Variants in KLHL20 observed in about 807,000 individuals in gnomAD.
KLHL20 encodes the protein kelch like family member 20.
KLHL20 carries 29 observed loss-of-function variants against 69.5 expected under a neutral mutation model. The observed-to-expected ratio is 0.42, with a 90% CI of 0.31 to 0.57. The LOEUF is 0.57. Ranked by LOEUF, KLHL20 falls within the 20% of genes least tolerant of loss-of-function variation. The probability of loss-of-function intolerance (pLI) is 0.18; values close to 1 mark genes in which losing one functional copy is unlikely to be tolerated. For synonymous variants in KLHL20, 253 were observed against 265.2 expected (o/e 0.95, Z 0.45); for missense variants, 419 against 776.0 (o/e 0.54, Z 5.47).
intron 3 of KLHL20, among the ~76,000 whole-genome samples, chr1:173,736,112 A>G (rs551082503): frequency 9.9e-5 from 15 of 151,702 alleles, no homozygotes; most frequent in African/African-American, 2.9e-4. Flanking sequence ...ATGTCCAGCT[A>G]ATTTTTGTAT....
At chr1:173,729,362 A>G (rs1672139997) in intron 2 of KLHL20, among the ~76,000 whole-genome samples, 1 of 152,246 alleles carries the variant, frequency 6.6e-6, no homozygotes, top group Non-Finnish European at 1.5e-5. Flanking sequence ...AATCCTCCCT[A>G]ACTCATTTCA....
At chr1:173,776,904 G>A (rs1648509393) in intron 10 of KLHL20, among the ~76,000 whole-genome samples, 1 of 152,022 alleles carries the variant, frequency 6.6e-6, no homozygotes, top group Non-Finnish European at 1.5e-5. Context: ...GCTATTCTGG[G>A]TCTTTGTGGT....
At chr1:173,729,868 A>G (rs4606360) in intron 2 of KLHL20, among the ~76,000 whole-genome samples, 74,209 of 152,006 alleles carry the variant, frequency 0.49, 20,592 homozygotes, top group African/African-American at 0.76. Context: ...GTTCTGGCCA[A>G]GACAATCAGG....
chr1:173,733,638 T>C (rs948919854), intron 2 of KLHL20, 75 bp from the exon 3 acceptor site: 5 of 1,234,762 alleles, frequency 4.0e-6, no homozygotes, highest in African/African-American at 3.0e-5. Flanking sequence ...ATCGCTTGAA[T>C]TACAAACATT....
At chr1:173,760,001 C>A (rs1344918098) in intron 7 of KLHL20, among the ~76,000 whole-genome samples, 1 of 152,034 alleles carries the variant, frequency 6.6e-6, no homozygotes, top group Non-Finnish European at 1.5e-5. Flanking sequence ...GAGAAACACT[C>A]AAGAAAATAG....
intron 5 of KLHL20, 30 bp from the exon 6 acceptor site, chr1:173,755,893 T>C (rs772085378): frequency 2.1e-6 from 3 of 1,423,874 alleles, no homozygotes; most frequent in Non-Finnish European, 2.0e-6. Flanking sequence ...AATTTAGATA[T>C]TTGGAATAAA....
chr1:173,723,003 A>T (rs1400141215), intron 2 of KLHL20, among the ~76,000 whole-genome samples: 1 of 152,144 alleles, frequency 6.6e-6, no homozygotes, highest in East Asian at 1.9e-4. Flanking sequence ...TGGTATGTTT[A>T]AAAGAAAAAC....
chr1:173,749,706 T>C (rs1673217024), intron 3 of KLHL20, among the ~76,000 whole-genome samples: 2 of 152,236 alleles, frequency 1.3e-5, no homozygotes, highest in Admixed American at 1.3e-4. Flanking sequence ...AGATTATTCA[T>C]AAACTTCAAA....
rs748204644 is a variant in KLHL20, at chr1:173,785,215, A to G, written c.1798A>G (p.Lys600Glu). 2 of 1,611,890 alleles carry G rather than the reference A, an allele frequency of 1.2e-6. No homozygotes were observed. Among genetic ancestry groups the G allele is most frequent in the Admixed American group, 3.4e-5 (2 of 59,652 alleles). ...GCTAGGGGGTGGCGTAGGAGTTATT[A>G]AAATGACACATTGTGAATCCCATAT... is the stretch of plus-strand genomic sequence containing the variant. Reference protein sequence around the residue: ...RRLGGGVGVIKMTHCESHIW With the variant: ...RRLGGGVGVIEMTHCESHIW Residue 600 changes from lysine (K) to glutamate (E), a missense_variant, in exon 12 of 12, where the codon AAA (lysine) becomes GAA (glutamate). Lys to Glu is a moderately conservative substitution (Grantham distance 56, BLOSUM62 1). Around this residue, in one of 6 missense-constraint regions of KLHL20, gnomAD observed 79 missense variants for 154.4 expected, o/e 0.51. Coordinates refer to ENST00000209884, the MANE Select transcript of KLHL20 (RefSeq NM_014458.4).
Position 173,738,354 on chromosome 1 carries a change from G to A in KLHL20, c.597+4068G>A, listed in dbSNP as rs145733569. ...CGGCTAATTTTTGTATTTTTCTGTA[G>A]AGACACGGTTTTGCCATGTTGCCCA... On this transcript the variant is annotated intron_variant, in intron 3 of 11. Coordinates refer to ENST00000209884, the MANE Select transcript of KLHL20 (RefSeq NM_014458.4). Among the ~76,000 whole-genome samples the A allele has an allele frequency of 6.6e-3, 997 of 152,180 alleles. 30 individuals are homozygous for A. The highest frequency in any genetic ancestry group is 0.044 in the Admixed American group (668 of 15,270).
chr1:173,733,794 A>AG lies in KLHL20; in HGVS notation c.109dup (p.Val37GlyfsTer23). On this transcript the variant is annotated frameshift_variant, in exon 3 of 12. Transcript: ENST00000209884. LOFTEE classifies it high-confidence loss of function. Reference sequence around the variant, plus strand: ...TTGGAGACCCCAACAAACTGCCAGAAGGGGTTCCCCAACCTGCCCGCATGC... The same window carrying AG: ...TTGGAGACCCCAACAAACTGCCAGAAGGGGGTTCCCCAACCTGCCCGCATGC... 4 of 1,614,170 alleles carry AG rather than the reference A, an allele frequency of 2.5e-6. No homozygotes were observed. Among genetic ancestry groups the AG allele is most frequent in the Non-Finnish European group, 3.4e-6 (4 of 1,180,020 alleles).
intron 2 of KLHL20, among the ~76,000 whole-genome samples, chr1:173,727,723 C>G (rs548070877): frequency 6.6e-6 from 1 of 152,236 alleles, no homozygotes; most frequent in African/African-American, 2.4e-5. Context: ...CACCACCAGA[C>G]CTGCCCGAAA....
At chr1:173,762,609 TAAAC>T (rs1379472088) in intron 7 of KLHL20, among the ~76,000 whole-genome samples, 1 of 152,150 alleles carries the variant, frequency 6.6e-6, no homozygotes, top group Non-Finnish European at 1.5e-5. Flanking sequence ...ATACACCACA[TAAAC>T]AGAATTAAAA....
intron 2 of KLHL20, among the ~76,000 whole-genome samples, chr1:173,726,067 C>G (rs1193320727): frequency 1.3e-5 from 2 of 152,140 alleles, no homozygotes; most frequent in East Asian, 3.9e-4. Context: ...GCTTTTCCAA[C>G]AGTCTTAGCA....
At chr1:173,715,795 C>G in intron 1 of KLHL20, 1 of 474,602 alleles carries the variant, frequency 2.1e-6, no homozygotes, top group Non-Finnish European at 3.8e-6. Flanking sequence ...TTTCCCTCAC[C>G]TTTACTTTAA....
chr1:173,759,722 G>A (rs2092926), intron 7 of KLHL20, among the ~76,000 whole-genome samples: 145,196 of 152,284 alleles, frequency 0.95, 69,296 homozygotes, highest in East Asian at 1. Flanking sequence ...GAATCTGAAC[G>A]ATAGCCTTCA....
At chr1:173,764,435 A>C (rs1271106166) in intron 7 of KLHL20, among the ~76,000 whole-genome samples, 1 of 152,244 alleles carries the variant, frequency 6.6e-6, no homozygotes, top group Admixed American at 6.5e-5. Context: ...ACATGTTTCT[A>C]GCAGCACAAT....
At chr1:173,727,553 C>T (rs1485770854) in intron 2 of KLHL20, among the ~76,000 whole-genome samples, 8 of 152,132 alleles carry the variant, frequency 5.3e-5, no homozygotes, top group African/African-American at 1.2e-4. Flanking sequence ...GCTGATCTCT[C>T]GGCAGAAACT....
chr1:173,765,775 A>G (rs1647664937), intron 7 of KLHL20, among the ~76,000 whole-genome samples: 1 of 152,176 alleles, frequency 6.6e-6, no homozygotes. Flanking sequence ...TATTTATGCA[A>G]AGAAAACATG....
Sources: gnomAD v4.1 joint callset for allele counts (sites outside exome capture counted in the v4.1 genomes callset) on GRCh38, gnomAD v4.1.1 for gene constraint, gnomAD v4.1.1 regional missense constraint, MANE v1.5 for transcripts, NCBI Gene and HGNC (gene_info 2026-07-23, HGNC 2026-07-21) for gene names.